The following PDSS2 variants were observed in gnomAD, a reference collection of about 807,000 sequenced individuals.
PDSS2 encodes all trans-polyprenyl-diphosphate synthase PDSS2.
A neutral mutation model predicts 44.5 loss-of-function variants in PDSS2; 31 were observed. That is an observed-to-expected ratio of 0.70 (90% confidence interval 0.52 to 0.94). The LOEUF is 0.94. Ranked by LOEUF, PDSS2 falls within the 40% of genes least tolerant of loss-of-function variation. The pLI, the probability that PDSS2 is intolerant of heterozygous loss-of-function variation, is 0.00. For missense variants in PDSS2, 452 were observed against 482.2 expected (o/e 0.94, Z 0.59); for synonymous variants, 157 against 180.3 (o/e 0.87, Z 1.03).
intron 4 of PDSS2, among the ~76,000 whole-genome samples, chr6:107,241,147 G>A (rs989707025): frequency 4.6e-5 from 7 of 151,128 alleles, no homozygotes; most frequent in African/African-American, 1.7e-4. Flanking sequence ...TACTTGCAAG[G>A]CTGAGGCACA....
At chr6:107,423,187 C>A (rs539433501) in intron 1 of PDSS2, among the ~76,000 whole-genome samples, 1 of 152,056 alleles carries the variant, frequency 6.6e-6, no homozygotes, top group African/African-American at 2.4e-5. Context: ...TTGTAAATGG[C>A]AATGAGTATT....
At chr6:107,400,608 C>G (rs1406982735) in intron 1 of PDSS2, among the ~76,000 whole-genome samples, 1 of 152,124 alleles carries the variant, frequency 6.6e-6, no homozygotes, top group Non-Finnish European at 1.5e-5. Flanking sequence ...CTTGCTAGGT[C>G]AAGACCATGG....
At chr6:107,246,257 GA>G (rs1774610893) in intron 3 of PDSS2, among the ~76,000 whole-genome samples, 1 of 150,640 alleles carries the variant, frequency 6.6e-6, no homozygotes, top group Non-Finnish European at 1.5e-5. Context: ...CAAAAGCTTT[GA>G]ACTTGTTCCA....
In PDSS2 at chr6:107,154,545, G is replaced by A. The variant is rs1770815964; in HGVS notation, c.*74C>T. On this transcript the variant is annotated 3_prime_UTR_variant, in exon 8 of 8. Coordinates refer to ENST00000369037, the MANE Select transcript of PDSS2 (RefSeq NM_020381.4). ...ATGTTTTAAAAGTCATTAACGCATCGTGAAAGCGCTCCCAATCAACCTCAT... is the reference window on the plus strand; with the variant it reads ...ATGTTTTAAAAGTCATTAACGCATCATGAAAGCGCTCCCAATCAACCTCAT... The A allele has an allele frequency of 2.9e-6, 4 of 1,387,678 alleles. No individual in the cohort carries two copies. Among genetic ancestry groups the A allele is most frequent in the South Asian group, 1.2e-5 (1 of 85,878 alleles). 86.0% of individuals were successfully genotyped at this position (1,387,678 alleles called of 1,614,324 possible).
chr6:107,355,553 C>T (rs1017086757), intron 1 of PDSS2, among the ~76,000 whole-genome samples: 6 of 152,122 alleles, frequency 3.9e-5, no homozygotes, highest in Non-Finnish European at 7.4e-5. Context: ...AGAAAATAGT[C>T]TTTCTCATAG....
intron 1 of PDSS2, among the ~76,000 whole-genome samples, chr6:107,337,986 A>G (rs561788023): frequency 9.2e-4 from 140 of 152,336 alleles, no homozygotes; most frequent in African/African-American, 3.3e-3. Context: ...CACATAAGTC[A>G]GTGGTTAACA....
At chr6:107,207,066 G>C (rs62428033) in intron 6 of PDSS2, among the ~76,000 whole-genome samples, 35,575 of 150,856 alleles carry the variant, frequency 0.24, 5,097 homozygotes, top group East Asian at 0.49. Context: ...GATCTCAGCT[G>C]ACTGCAACCT....
At chr6:107,334,529 TG>T (rs1777816436) in intron 1 of PDSS2, among the ~76,000 whole-genome samples, 197 bp from the exon 2 acceptor site, 1 of 250 alleles carries the variant, frequency 4.0e-3, no homozygotes, top group African/African-American at 4.3e-3. Context: ...ACGGCTGCGT[TG>T]TTGTTGTTGT....
intron 6 of PDSS2, among the ~76,000 whole-genome samples, chr6:107,197,577 T>C (rs1171939492): frequency 1.3e-5 from 2 of 151,670 alleles, no homozygotes; most frequent in Non-Finnish European, 2.9e-5. Context: ...TGCTTGTTGA[T>C]GGGGAGAAAT....
intron 1 of PDSS2, among the ~76,000 whole-genome samples, chr6:107,426,490 T>C (rs190419834): frequency 4.2e-4 from 64 of 152,308 alleles, no homozygotes; most frequent in African/African-American, 1.5e-3. Context: ...AAAAAGTCCC[T>C]ACTGGGGCAC....
intron 6 of PDSS2, among the ~76,000 whole-genome samples, chr6:107,202,362 T>C (rs1402801661): frequency 6.6e-6 from 1 of 151,860 alleles, no homozygotes; most frequent in Non-Finnish European, 1.5e-5. Flanking sequence ...TAAAATACAG[T>C]TCAGGCTGGC....
intron 1 of PDSS2, among the ~76,000 whole-genome samples, chr6:107,351,616 A>G (rs1778436960): frequency 6.6e-6 from 1 of 152,194 alleles, no homozygotes; most frequent in Non-Finnish European, 1.5e-5. Context: ...CACAATCGCC[A>G]CTATATACAC....
chr6:107,436,111 T>G (rs1781342789), intron 1 of PDSS2, among the ~76,000 whole-genome samples: 1 of 152,248 alleles, frequency 6.6e-6, no homozygotes. Context: ...TTTTAAAACC[T>G]ACTCTCTAGT....
At chr6:107,160,103 C>G (rs906469987) in intron 7 of PDSS2, among the ~76,000 whole-genome samples, 2 of 152,120 alleles carry the variant, frequency 1.3e-5, no homozygotes, top group African/African-American at 4.8e-5. Flanking sequence ...GTAGTCCCAG[C>G]TACTTGGGAG....
intron 4 of PDSS2, chr6:107,229,674 G>C (rs948852252): frequency 1.3e-5 from 2 of 152,104 alleles, no homozygotes; most frequent in East Asian, 1.9e-4. Flanking sequence ...ATTACTCTGT[G>C]CTTCTGTAGG....
At chr6:107,349,756 A>G (rs1778376396) in intron 1 of PDSS2, among the ~76,000 whole-genome samples, 1 of 150,896 alleles carries the variant, frequency 6.6e-6, no homozygotes, top group Admixed American at 6.6e-5. Flanking sequence ...CCTCAAAAAC[A>G]AACAAACAAA....
At chr6:107,392,667 G>C (rs1171642159) in intron 1 of PDSS2, among the ~76,000 whole-genome samples, 1 of 152,110 alleles carries the variant, frequency 6.6e-6, no homozygotes, top group African/African-American at 2.4e-5. Flanking sequence ...CTAACCGGTA[G>C]GTAATTTCCT....
At position 107,253,067 on chromosome 6, in the gene PDSS2, G is replaced by A. The variant is rs184010944; in HGVS notation, c.631-7448C>T. Among the ~76,000 whole-genome samples, 114 of 152,210 alleles carry A rather than the reference G, an allele frequency of 7.5e-4. 1 individual carries two copies. The highest frequency in any genetic ancestry group is 2.5e-3 in the African/African-American group (105 of 41,530). ...TTATTATTTTTTGAGATAGAGTCTC[G>A]CTCTGTCACCCAGGCTGGAGTGCGG... On this transcript the variant is annotated intron_variant, in intron 3 of 7. Transcript: ENST00000369037.
chr6:107,407,185 G>A (rs1382826327), intron 1 of PDSS2, among the ~76,000 whole-genome samples: 5 of 152,186 alleles, frequency 3.3e-5, no homozygotes, highest in Non-Finnish European at 5.9e-5. Context: ...GGTAAGTGAA[G>A]TAAGCCAGAA....
Sources: gnomAD v4.1 joint callset for allele counts (sites outside exome capture counted in the v4.1 genomes callset) on GRCh38, gnomAD v4.1.1 for gene constraint, MANE v1.5 for transcripts, NCBI Gene and HGNC (gene_info 2026-07-23, HGNC 2026-07-21) for gene names.